The following CUL1 variants were observed in gnomAD, a reference collection of about 807,000 sequenced individuals.
The protein encoded by CUL1 is cullin-1.
CUL1 carries 24 observed loss-of-function variants against 118.0 expected under a neutral mutation model. The observed-to-expected ratio is 0.20, with a 90% CI of 0.15 to 0.29. The LOEUF (loss-of-function observed/expected upper bound fraction) is 0.29, where lower values mean the gene tolerates loss of function less well. Ranked by LOEUF, CUL1 falls within the 10% of genes least tolerant of loss-of-function variation. The pLI is 1.00. For synonymous variants in CUL1, 332 were observed against 340.4 expected (o/e 0.98, Z 0.27); for missense variants, 361 against 933.8 (o/e 0.39, Z 7.99).
chr7:148,735,738 A>G (rs1798916107), intron 2 of CUL1, among the ~76,000 whole-genome samples: 1 of 152,208 alleles, frequency 6.6e-6, no homozygotes, highest in African/African-American at 2.4e-5. Flanking sequence ...CATATTTTTC[A>G]GATGTAATCT....
At chr7:148,760,532 T>C in intron 7 of CUL1, 36 bp downstream of exon 7, 1 of 1,449,190 alleles carries the variant, frequency 6.9e-7, no homozygotes, top group South Asian at 1.3e-5. Flanking sequence ...TAGACTTAAG[T>C]TAAAGTCATT....
At chr7:148,734,337 TG>T (rs1207245277) in intron 2 of CUL1, among the ~76,000 whole-genome samples, 1 of 152,168 alleles carries the variant, frequency 6.6e-6, no homozygotes, top group Non-Finnish European at 1.5e-5. Context: ...AGCCTTGAGC[TG>T]GGGTCAGGTG....
Position 148,797,395 on chromosome 7 carries a change from C to CAAAAA in CUL1, c.1900-403_1900-399dup, listed in dbSNP as rs5888340. On this transcript the variant is annotated intron_variant, in intron 17 of 21. Transcript: ENST00000325222. ...CATTTTTGAGCACCAACATGATGCT[C>CAAAAA]AAAAAAAAAAAAAAAAAATGCTCAT... Among the ~76,000 whole-genome samples, 2 of 120,460 alleles carry CAAAAA rather than the reference C, an allele frequency of 1.7e-5. 1 individual carries two copies. The highest frequency in any genetic ancestry group is 6.3e-5 in the African/African-American group (2 of 31,708). 79.0% of individuals were successfully genotyped at this position (120,460 alleles called of 152,430 possible).
At chr7:148,701,729 G>T (rs562105454) in intron 1 of CUL1, among the ~76,000 whole-genome samples, 2 of 152,244 alleles carry the variant, frequency 1.3e-5, no homozygotes, top group South Asian at 4.1e-4. Flanking sequence ...TATACCCAGT[G>T]GTGTCTGTCT....
chr7:148,759,483 G>A (rs1309840207), intron 5 of CUL1, 65 bp from the exon 6 acceptor site: 52 of 1,346,578 alleles, frequency 3.9e-5, no homozygotes, highest in Non-Finnish European at 5.5e-5. Context: ...AATGTTTAAG[G>A]GATATGTAGT....
chr7:148,724,422 G>T (rs1337431187), intron 1 of CUL1, among the ~76,000 whole-genome samples: 4 of 152,330 alleles, frequency 2.6e-5, no homozygotes. Flanking sequence ...TGAAAGTGAA[G>T]TATAACTGTG....
chr7:148,740,507 T>C (rs1459509256), intron 2 of CUL1, among the ~76,000 whole-genome samples: 1 of 152,238 alleles, frequency 6.6e-6, no homozygotes, highest in Admixed American at 6.5e-5. Flanking sequence ...CTGTGCCCTT[T>C]AGTTGTCACT....
intron 4 of CUL1, among the ~76,000 whole-genome samples, chr7:148,758,444 G>A (rs946016175): frequency 2.0e-5 from 3 of 152,080 alleles, no homozygotes; most frequent in Admixed American, 6.5e-5. Context: ...ACCAGCCTGG[G>A]CAGCATAATG....
Position 148,766,736 on chromosome 7 carries a change from A to T in CUL1, c.952+13A>T, listed in dbSNP as rs1426641135. 1 of 1,603,266 alleles carries T rather than the reference A, an allele frequency of 6.2e-7. No individual in the cohort carries two copies. Among genetic ancestry groups the T allele is most frequent in the Non-Finnish European group, 8.5e-7 (1 of 1,175,268 alleles). On this transcript the variant is annotated intron_variant, in intron 8 of 21. Transcript: ENST00000325222. ...GACAAAAATGAAGGTGAGCCACAAG[A>T]CTCATAAAATGTAGGTATTTATAAT...
chr7:148,719,113 C>A lies in CUL1; in HGVS notation c.-161-10849C>A, dbSNP rs553110952. On this transcript the variant is annotated intron_variant, in intron 1 of 21. Coordinates refer to ENST00000325222, the MANE Select transcript of CUL1 (RefSeq NM_003592.3). The stretch of plus-strand genomic sequence containing the variant: ...GATCACGAGTTCAGGAGATCGAGAC[C>A]ATCCTGGCTAACATGGTGAAACCCC... Among the ~76,000 whole-genome samples, 8 of 152,222 alleles carry A rather than the reference C, an allele frequency of 5.3e-5. No homozygotes were observed. In the South Asian group the frequency reaches 1.7e-3, roughly 32 times the overall value.
chr7:148,703,506 A>G (rs928104422), intron 1 of CUL1, among the ~76,000 whole-genome samples: 8 of 151,940 alleles, frequency 5.3e-5, no homozygotes, highest in Non-Finnish European at 1.0e-4. Flanking sequence ...TAAAGTGTGT[A>G]TGTACTAGTG....
intron 7 of CUL1, among the ~76,000 whole-genome samples, chr7:148,765,516 G>A (rs1799976916): frequency 1.3e-5 from 2 of 152,130 alleles, no homozygotes; most frequent in South Asian, 4.1e-4. Context: ...TGTAGTCCCA[G>A]CTGCACAGGG....
intron 3 of CUL1, 77 bp downstream of exon 3, chr7:148,754,227 A>C: frequency 2.1e-6 from 2 of 963,302 alleles, no homozygotes; most frequent in South Asian, 3.6e-5. Context: ...AACTTGTTAA[A>C]TCTTTCACTG....
At chr7:148,768,687 GAAGAA>G (rs1443517001) in intron 9 of CUL1, among the ~76,000 whole-genome samples, 3 of 152,094 alleles carry the variant, frequency 2.0e-5, no homozygotes, top group Non-Finnish European at 4.4e-5. Flanking sequence ...GTGCGGCCGA[GAAGAA>G]AAGTTTCTAA....
At chr7:148,784,389 G>C (rs768221773) in intron 11 of CUL1, among the ~76,000 whole-genome samples, 1 of 152,168 alleles carries the variant, frequency 6.6e-6, no homozygotes, top group Non-Finnish European at 1.5e-5. Context: ...TGGTATGGCC[G>C]TAGATTGCCT....
intron 2 of CUL1, among the ~76,000 whole-genome samples, chr7:148,735,822 G>A (rs761754536): frequency 2.5e-4 from 38 of 152,032 alleles, no homozygotes; most frequent in Non-Finnish European, 1.6e-4. Flanking sequence ...AGGACATACT[G>A]GTTCACAGAA....
At chr7:148,783,214 G>C (rs1240041153) in intron 9 of CUL1, 3 of 378,404 alleles carry the variant, frequency 7.9e-6, no homozygotes, top group Non-Finnish European at 1.1e-5. Context: ...TTGTTCCGGG[G>C]AGGCCCCTTT....
intron 7 of CUL1, among the ~76,000 whole-genome samples, chr7:148,761,613 A>G (rs1203218703): frequency 6.6e-6 from 1 of 152,248 alleles, no homozygotes. Flanking sequence ...TAGAAAGGAA[A>G]TACTTTAGGC....
At chr7:148,733,596 T>A (rs1029241317) in intron 2 of CUL1, among the ~76,000 whole-genome samples, 1 of 152,228 alleles carries the variant, frequency 6.6e-6, no homozygotes, top group African/African-American at 2.4e-5. Context: ...CGCTGTGACA[T>A]CTAATACTTG....
Sources: allele counts gnomAD v4.1 joint callset (sites outside exome capture counted in the v4.1 genomes callset), GRCh38; gene constraint gnomAD v4.1.1; transcripts MANE v1.5; gene names NCBI Gene and HGNC (gene_info 2026-07-23, HGNC 2026-07-21).